FYTTD1: variants seen among roughly 807,000 people sequenced by gnomAD.
The protein encoded by FYTTD1 is UAP56-interacting factor.
FYTTD1 carries 22 observed loss-of-function variants against 40.9 expected under a neutral mutation model. That is an observed-to-expected ratio of 0.54 (90% CI 0.38 to 0.77). The LOEUF (loss-of-function observed/expected upper bound fraction) is 0.77, where lower values mean the gene tolerates loss of function less well. FYTTD1 is among the 30% of genes least tolerant of loss of function. FYTTD1 has a pLI of 0.00. For missense variants in FYTTD1, 351 were observed against 392.2 expected (o/e 0.90, Z 0.89); for synonymous variants, 140 against 137.9 (o/e 1.01, Z -0.10).
At chr3:197,758,276 AAT>A (rs1432118410) in intron 2 of FYTTD1, among the ~76,000 whole-genome samples, 1 of 151,794 alleles carries the variant, frequency 6.6e-6, no homozygotes, top group African/African-American at 2.4e-5. Flanking sequence ...TTGTTTTTAA[AAT>A]AACTGTTGAG....
intron 8 of FYTTD1, 101 bp downstream of exon 8, chr3:197,778,565 GC>G: frequency 1.3e-6 from 1 of 772,776 alleles, no homozygotes; most frequent in African/African-American, 1.8e-5. Flanking sequence ...TATCCTAACT[GC>G]CCCCTGAAAC....
In FYTTD1 at chr3:197,756,508, T is replaced by G. The variant is rs760047320; in HGVS notation, c.186T>G (p.Gly62=). 1.2e-6 allele frequency: 2 copies of G among 1,613,600 alleles called. No individual in the cohort carries two copies. The highest frequency in any genetic ancestry group is 1.7e-6 in the Non-Finnish European group (2 of 1,179,486). Residue 62 remains glycine, a synonymous_variant, in exon 2 of 9, where the codon GGT becomes GGG. Coordinates refer to ENST00000241502, the MANE Select transcript of FYTTD1 (RefSeq NM_032288.7). ...RLNRRLLQQS[G]AQQFRMRVRW... ...ATAGAAGACTCCTCCAGCAAAGTGG[T>G]GCCCAGCAATTCAGGATGAGAGTGC...
At chr3:197,773,907 C>T (rs543404402) in intron 5 of FYTTD1, among the ~76,000 whole-genome samples, 3 of 148,034 alleles carry the variant, frequency 2.0e-5, no homozygotes, top group South Asian at 2.2e-4. Context: ...TAGAATAGCG[C>T]GGGCCCCTCC....
intron 2 of FYTTD1, among the ~76,000 whole-genome samples, chr3:197,765,378 C>G (rs985551334): frequency 2.0e-5 from 3 of 152,134 alleles, no homozygotes; most frequent in African/African-American, 7.2e-5. Flanking sequence ...GATTATCATA[C>G]AAATTATAGT....
chr3:197,755,794 G>C (rs1244757338), intron 1 of FYTTD1: 3 of 1,550,936 alleles, frequency 1.9e-6, no homozygotes, highest in African/African-American at 2.7e-5. Context: ...GGCCGGAAGG[G>C]GGTCATCTTT....
rs1324893312 is a variant in FYTTD1, at chr3:197,785,902, G to C, written c.*3993G>C. The C allele has an allele frequency of 6.7e-6, 1 of 149,754 alleles. No homozygotes were observed. Among genetic ancestry groups the C allele is most frequent in the African/African-American group, 2.4e-5 (1 of 40,872 alleles). The allele number at this position is 149,754 out of a possible 1,614,324, so 9.3% of individuals were successfully genotyped here. On this transcript the variant is annotated 3_prime_UTR_variant, in exon 9 of 9. Coordinates refer to ENST00000241502, the MANE Select transcript of FYTTD1 (RefSeq NM_032288.7). ...GCATGTAAAACTTCCCTTTAGAGAG[G>C]GTTCTTTTTGGATAGATCAATTTGG...
At chr3:197,750,192 G>A in intron 1 of FYTTD1, 118 bp downstream of exon 1, 1 of 923,826 alleles carries the variant, frequency 1.1e-6, no homozygotes, top group Non-Finnish European at 1.5e-6. Flanking sequence ...TTTCTCGCTG[G>A]TGGGCGGACC....
At chr3:197,774,098 A>C in intron 5 of FYTTD1, 51 bp from the exon 6 acceptor site, 3 of 1,470,032 alleles carry the variant, frequency 2.0e-6, no homozygotes, top group Non-Finnish European at 2.9e-6. Context: ...CGCTCTTTGG[A>C]TTCAAATCCT....
chr3:197,762,262 C>G (rs1019237800), intron 2 of FYTTD1, among the ~76,000 whole-genome samples: 5 of 145,768 alleles, frequency 3.4e-5, no homozygotes, highest in Non-Finnish European at 7.4e-5. Context: ...CAATATACCA[C>G]TGTTCTTACT....
chr3:197,750,217 G>A, intron 1 of FYTTD1, 143 bp downstream of exon 1: 1 of 833,994 alleles, frequency 1.2e-6, no homozygotes, highest in South Asian at 2.9e-5. Flanking sequence ...CGGAGGCCCG[G>A]AGGACAGCCG....
At chr3:197,774,061 C>G in intron 5 of FYTTD1, 88 bp from the exon 6 acceptor site, 2 of 1,101,550 alleles carry the variant, frequency 1.8e-6, no homozygotes, top group Non-Finnish European at 2.8e-6. Context: ...ACACGCACCA[C>G]TGGGTTAGGA....
chr3:197,753,763 T>A (rs1312151981), intron 1 of FYTTD1, among the ~76,000 whole-genome samples: 1 of 152,164 alleles, frequency 6.6e-6, no homozygotes, highest in East Asian at 1.9e-4. Flanking sequence ...TTTTATTTAT[T>A]TATTTATTTT....
Position 197,776,972 on chromosome 3 carries a change from T to C in FYTTD1, c.702T>C (p.Ile234=). The C allele has an allele frequency of 6.2e-7, 1 of 1,612,190 alleles. No homozygotes were observed. The highest frequency in any genetic ancestry group is 2.2e-5 in the East Asian group (1 of 44,868). ...ATGGAGGGATTTTGACTGTATCTAT[T>C]GACAATCCTGGAGCAGTGCAATGCC... ...TTNGGILTVS[I]DNPGAVQCPV... Residue 234 remains isoleucine (I), a synonymous_variant, in exon 7 of 9, where the codon ATT becomes ATC. Transcript: ENST00000241502.
chr3:197,770,557 T>A (rs1045483382), intron 4 of FYTTD1, among the ~76,000 whole-genome samples: 1 of 152,218 alleles, frequency 6.6e-6, no homozygotes, highest in Non-Finnish European at 1.5e-5. Flanking sequence ...TTCTCCCTGT[T>A]TTTTGAGACA....
intron 2 of FYTTD1, among the ~76,000 whole-genome samples, chr3:197,758,910 C>G (rs1480321404): frequency 6.6e-6 from 1 of 152,188 alleles, no homozygotes; most frequent in African/African-American, 2.4e-5. Flanking sequence ...CTGAACAAGT[C>G]AATGAATGAA....
rs1428935892 is a variant in FYTTD1, at chr3:197,782,568, G to T, written c.*659G>T. 1 of 152,148 alleles carries T rather than the reference G, an allele frequency of 6.6e-6. No individual in the cohort carries two copies. Among genetic ancestry groups the T allele is most frequent in the African/African-American group, 2.4e-5 (1 of 41,414 alleles). 9.4% of individuals were successfully genotyped at this position (152,148 alleles called of 1,614,324 possible). A position where few individuals can be genotyped will look rare whatever the true frequency, so the allele number is the denominator to read the frequency against. ...ATGTTGGTGTTTAGAGACTGTAAAT[G>T]CATATTCACAAAGTTATCTGATAGG... On this transcript the variant is annotated 3_prime_UTR_variant, in exon 9 of 9. Coordinates refer to ENST00000241502, the MANE Select transcript of FYTTD1 (RefSeq NM_032288.7).
At chr3:197,750,235 AGGCTCGACGCCAGGTGCCC>A (rs1728965288) in intron 1 of FYTTD1, 161 bp downstream of exon 1, 3 of 818,148 alleles carry the variant, frequency 3.7e-6, no homozygotes, top group Admixed American at 8.7e-5. Context: ...CCGGGAGCGC[AGGCTCGACGCCAGGTGCCC>A]GGCTGGACCG....
Position 197,782,677 on chromosome 3 carries a change from G to A in FYTTD1, c.*768G>A, listed in dbSNP as rs1300443104. 2 of 152,174 alleles carry A rather than the reference G, an allele frequency of 1.3e-5. No homozygotes were observed. The highest frequency in any genetic ancestry group is 4.8e-5 in the African/African-American group (2 of 41,438). The allele number at this position is 152,174 out of a possible 1,614,324, so 9.4% of individuals were successfully genotyped here. A position where few individuals can be genotyped will look rare whatever the true frequency, so the allele number is the denominator to read the frequency against. On this transcript the variant is annotated 3_prime_UTR_variant, in exon 9 of 9. Transcript: ENST00000241502. ...CATGAGAGGAAGTAAGTAGCAAGTT[G>A]AAGGACAGGTAGTTGAGATGAAACA...
chr3:197,756,276 A>T (rs1729210969), intron 1 of FYTTD1, 150 bp from the exon 2 acceptor site: 1 of 651,344 alleles, frequency 1.5e-6, no homozygotes, highest in African/African-American at 1.8e-5. Context: ...GGGCTATTGT[A>T]AAATGGCTGA....
Sources: allele counts gnomAD v4.1 joint callset (sites outside exome capture counted in the v4.1 genomes callset), GRCh38; gene constraint gnomAD v4.1.1; transcripts MANE v1.5; gene names NCBI Gene and HGNC (gene_info 2026-07-23, HGNC 2026-07-21).